IL1RAP: variants seen among roughly 807,000 people sequenced by gnomAD.
The protein encoded by IL1RAP is interleukin 1 receptor accessory protein.
A neutral mutation model predicts 60.7 loss-of-function variants in IL1RAP; 35 were observed. That is an observed-to-expected ratio of 0.58 (90% confidence interval 0.44 to 0.76). IL1RAP has a LOEUF of 0.76. IL1RAP is among the 30% of genes least tolerant of loss of function. IL1RAP has a pLI of 0.00. For synonymous variants in IL1RAP, 268 were observed against 250.9 expected (o/e 1.07, Z -0.64); for missense variants, 572 against 693.9 (o/e 0.82, Z 1.97).
intron 5 of IL1RAP, among the ~76,000 whole-genome samples, chr3:190,618,429 G>A (rs1004103942): frequency 6.6e-6 from 1 of 152,186 alleles, no homozygotes; most frequent in African/African-American, 2.4e-5. Flanking sequence ...TAGTTAAGAA[G>A]CTGATGAAAG....
In IL1RAP at chr3:190,645,742, GGAA is replaced by G. The variant is rs764363382; in HGVS notation, c.1255_1257del (p.Glu419del). The G allele has an allele frequency of 6.2e-6, 10 of 1,612,402 alleles. No homozygotes were observed. Among genetic ancestry groups the G allele is most frequent in the Admixed American group, 1.7e-5 (1 of 60,016 alleles). ...TTTATGTATCCTATGCAAGGAATGC[GGAA>G]GAAGAAGAATTTGTATTACTGACCC... On this transcript the variant is annotated inframe_deletion, in exon 11 of 12. Coordinates refer to ENST00000447382, the MANE Select transcript of IL1RAP (RefSeq NM_002182.4).
At chr3:190,574,786 G>A (rs1411685829) in intron 3 of IL1RAP, among the ~76,000 whole-genome samples, 3 of 152,094 alleles carry the variant, frequency 2.0e-5, no homozygotes, top group Admixed American at 6.6e-5. Context: ...TATCTTTCTC[G>A]GAAACGATCA....
At chr3:190,635,115 A>AT (rs903377171) in intron 9 of IL1RAP, among the ~76,000 whole-genome samples, 1 of 151,850 alleles carries the variant, frequency 6.6e-6, no homozygotes, top group African/African-American at 2.4e-5. Flanking sequence ...CTTTCAAGGC[A>AT]TTTTTTTCCA....
At position 190,601,320 on chromosome 3, in the gene IL1RAP, C is replaced by T. The variant is rs139316963; in HGVS notation, c.65-2808C>T. ...TATACTTTTATATAAACTGAATAAG[C>T]GAACTCTGCAACTTTGCAAATATTT... On this transcript the variant is annotated intron_variant, in intron 3 of 11. Coordinates refer to ENST00000447382, the MANE Select transcript of IL1RAP (RefSeq NM_002182.4). Among the ~76,000 whole-genome samples the T allele has an allele frequency of 2.5e-3, 386 of 152,254 alleles. 2 individuals are homozygous for T. Among genetic ancestry groups the T allele is most frequent in the African/African-American group, 9.0e-3 (372 of 41,550 alleles).
chr3:190,607,709 C>A (rs9875058), intron 4 of IL1RAP, among the ~76,000 whole-genome samples: 12,078 of 152,172 alleles, frequency 0.079, 942 homozygotes, highest in African/African-American at 0.2. Flanking sequence ...CCCCAGTCAT[C>A]CTAAGGAATT....
At chr3:190,575,823 C>G (rs556787124) in intron 3 of IL1RAP, among the ~76,000 whole-genome samples, 2 of 152,226 alleles carry the variant, frequency 1.3e-5, no homozygotes, top group Non-Finnish European at 2.9e-5. Flanking sequence ...GTATGGCGGA[C>G]AAGGTCCTCT....
At chr3:190,527,290 A>G (rs1230607527) in intron 1 of IL1RAP, among the ~76,000 whole-genome samples, 2 of 152,170 alleles carry the variant, frequency 1.3e-5, no homozygotes, top group African/African-American at 4.8e-5. Flanking sequence ...ATCTCATTCA[A>G]TCCTTACTGC....
intron 3 of IL1RAP, among the ~76,000 whole-genome samples, chr3:190,584,897 A>G (rs1402789822): frequency 6.6e-6 from 1 of 152,170 alleles, no homozygotes; most frequent in Non-Finnish European, 1.5e-5. Flanking sequence ...AGGTTTTTTC[A>G]GACACAGTGG....
In IL1RAP at chr3:190,560,796, C is replaced by T. The variant is rs193077387; in HGVS notation, c.-1-3493C>T. 2.5e-3 allele frequency among the ~76,000 whole-genome samples: 374 copies of T among 152,202 alleles called. 2 individuals are homozygous for T. Among genetic ancestry groups the T allele is most frequent in the African/African-American group, 8.6e-3 (355 of 41,514 alleles). On this transcript the variant is annotated intron_variant, in intron 2 of 11. Coordinates refer to ENST00000447382, the MANE Select transcript of IL1RAP (RefSeq NM_002182.4). ...TGCAGACGATAAAAAGTTTCATATG[C>T]GGAAGTAGATGTTAAGGTGCTGAGC...
chr3:190,650,064 T>C lies in IL1RAP; in HGVS notation c.*1359T>C, dbSNP rs948561799. Reference sequence around the variant, plus strand: ...TATAAATCCACATGCACATGAAATATATATATATATATAATTTGTGTGTGT... The same window carrying C: ...TATAAATCCACATGCACATGAAATACATATATATATATAATTTGTGTGTGT... On this transcript the variant is annotated 3_prime_UTR_variant, in exon 12 of 12. Transcript: ENST00000447382. The C allele has an allele frequency of 5.0e-6, 3 of 603,036 alleles. No individual in the cohort carries two copies. Among genetic ancestry groups the C allele is most frequent in the South Asian group, 1.5e-4 (2 of 13,472 alleles). The allele number at this position is 603,036 out of a possible 1,614,324, so 37.4% of individuals were successfully genotyped here. A position where few individuals can be genotyped will look rare whatever the true frequency, so the allele number is the denominator to read the frequency against.
chr3:190,623,759 T>C (rs1159652035), intron 7 of IL1RAP, among the ~76,000 whole-genome samples: 1 of 152,232 alleles, frequency 6.6e-6, no homozygotes, highest in Admixed American at 6.5e-5. Flanking sequence ...TCCTTCAAGC[T>C]CCTGCTCCAT....
chr3:190,593,632 C>T (rs1459959439), intron 3 of IL1RAP, among the ~76,000 whole-genome samples: 2 of 151,968 alleles, frequency 1.3e-5, no homozygotes, highest in Admixed American at 1.3e-4. Flanking sequence ...AGACTGTGTG[C>T]AGGGGTACTC....
Position 190,650,463 on chromosome 3 carries a change from GA to G in IL1RAP, c.*1759del, listed in dbSNP as rs1004408409. 2.0e-6 allele frequency: 2 copies of G among 983,174 alleles called. No individual in the cohort carries two copies. The highest frequency in any genetic ancestry group is 3.5e-5 in the African/African-American group (2 of 57,158). 60.9% of individuals were successfully genotyped at this position (983,174 alleles called of 1,614,324 possible). ...TCAGTGCTCAACTATTTGAACTGTT[GA>G]GTGATAAAGGAAACAAATATAACTG... is the stretch of plus-strand genomic sequence containing the variant. On this transcript the variant is annotated 3_prime_UTR_variant, in exon 12 of 12. Coordinates refer to ENST00000447382, the MANE Select transcript of IL1RAP (RefSeq NM_002182.4).
rs2108812970 is a variant in IL1RAP, at chr3:190,627,472, A to C, written c.902+23A>C. 3 of 1,603,692 alleles carry C rather than the reference A, an allele frequency of 1.9e-6. No homozygotes were observed. The East Asian group carries it at 6.7e-5, about 36-fold the overall frequency. Reference sequence around the variant, plus strand: ...AAGGTATCATGGGGGCCAGCAAGGGAGTGATTAACCTTTGTTTCTCAACTT... The same window carrying C: ...AAGGTATCATGGGGGCCAGCAAGGGCGTGATTAACCTTTGTTTCTCAACTT... On this transcript the variant is annotated intron_variant, in intron 8 of 11. Coordinates refer to ENST00000447382, the MANE Select transcript of IL1RAP (RefSeq NM_002182.4).
At chr3:190,609,277 T>C in intron 5 of IL1RAP, 96 bp downstream of exon 5, 1 of 828,826 alleles carries the variant, frequency 1.2e-6, no homozygotes, top group East Asian at 2.7e-5. Flanking sequence ...GGTGTTTCTC[T>C]TCAGATTATC....
intron 1 of IL1RAP, among the ~76,000 whole-genome samples, chr3:190,529,035 T>C (rs1722747842): frequency 6.6e-6 from 1 of 152,226 alleles, no homozygotes; most frequent in Non-Finnish European, 1.5e-5. Flanking sequence ...TTAGGAAGTC[T>C]GTTGAGGGCT....
In IL1RAP at chr3:190,580,293, T is replaced by G. The variant is rs556198337; in HGVS notation, c.64+15940T>G. Among the ~76,000 whole-genome samples the G allele has an allele frequency of 1.2e-4, 19 of 152,348 alleles. No individual in the cohort carries two copies. In the South Asian group the frequency reaches 3.9e-3, roughly 32 times the overall value. On this transcript the variant is annotated intron_variant, in intron 3 of 11. Transcript: ENST00000447382. ...CATGTTCAACTGATTTCAGCTCTTG[T>G]GTATCTCGTGTTCAACTCTTATGCT...
intron 5 of IL1RAP, 135 bp downstream of exon 5, chr3:190,609,316 GT>G: frequency 5.4e-5 from 31 of 573,504 alleles, no homozygotes; most frequent in Admixed American, 2.2e-4. Flanking sequence ...CTTTATGGAA[GT>G]ATTTCAGCAC....
intron 3 of IL1RAP, among the ~76,000 whole-genome samples, chr3:190,596,717 C>CA (rs1371320058): frequency 6.6e-6 from 1 of 151,990 alleles, no homozygotes; most frequent in Non-Finnish European, 1.5e-5. Context: ...ACATTATAAA[C>CA]AAAAAAGGAA....
Sources: gnomAD v4.1 joint callset for allele counts (sites outside exome capture counted in the v4.1 genomes callset) on GRCh38, gnomAD v4.1.1 for gene constraint, MANE v1.5 for transcripts, NCBI Gene and HGNC (gene_info 2026-07-23, HGNC 2026-07-21) for gene names.